PKD1L1: variants seen among roughly 807,000 people sequenced by gnomAD.
PKD1L1 encodes the protein polycystin 1 like 1, transient receptor potential channel interacting.
A neutral mutation model predicts 323.4 loss-of-function variants in PKD1L1; 236 were observed. The ratio of observed to expected loss-of-function variants is 0.73; its 90% CI spans 0.66 to 0.81. PKD1L1 has a LOEUF of 0.81. PKD1L1 is among the 40% of genes least tolerant of loss of function. The pLI is 0.00. For missense variants in PKD1L1, 3,320 were observed against 3,508.0 expected (o/e 0.95, Z 1.35); for synonymous variants, 1,344 against 1,335.0 (o/e 1.01, Z -0.15).
rs554657704 is a variant in PKD1L1, at chr7:47,779,974, T to C, written c.8527-4808A>G. ...ATATTTGCACTGGTTTTTAAGTTAA[T>C]ACCATTTTCAACTTATTGTAATTTT... On this transcript the variant is annotated intron_variant, in intron 56 of 56. Transcript: ENST00000289672. 2.0e-5 allele frequency among the ~76,000 whole-genome samples: 3 copies of C among 152,346 alleles called. No individual in the cohort carries two copies. In the East Asian group the frequency reaches 5.8e-4, roughly 29 times the overall value.
At chr7:47,922,884 G>A (rs1787581623) in intron 7 of PKD1L1, among the ~76,000 whole-genome samples, 3 of 152,230 alleles carry the variant, frequency 2.0e-5, no homozygotes, top group Non-Finnish European at 4.4e-5. Flanking sequence ...TGGCGGTTTT[G>A]TCGAATAGAA....
At chr7:47,947,951 G>C (rs1285209370) in intron 1 of PKD1L1, among the ~76,000 whole-genome samples, 1 of 152,084 alleles carries the variant, frequency 6.6e-6, no homozygotes, top group Non-Finnish European at 1.5e-5. Context: ...CTGGGCAACA[G>C]AGAGAGACTC....
chr7:47,882,185 A>G, intron 19 of PKD1L1, 100 bp from the exon 20 acceptor site: 2 of 1,201,100 alleles, frequency 1.7e-6, no homozygotes, highest in Admixed American at 2.3e-5. Flanking sequence ...TATTTGTACT[A>G]TTGCTGGATA....
chr7:47,903,631 A>G (rs1390112407), intron 12 of PKD1L1, among the ~76,000 whole-genome samples: 1 of 152,168 alleles, frequency 6.6e-6, no homozygotes, highest in African/African-American at 2.4e-5. Context: ...GAAGTTTGCA[A>G]TCTTTCCCTG....
rs1430595005 is a variant in PKD1L1 at position 47,787,885 on chromosome 7, AT to A, written c.8526+4741del. Among the ~76,000 whole-genome samples, 7 of 151,978 alleles carry A rather than the reference AT, an allele frequency of 4.6e-5. No individual in the cohort carries two copies. In the South Asian group the frequency reaches 6.3e-4, roughly 14 times the overall value. On this transcript the variant is annotated intron_variant, in intron 56 of 56. Transcript: ENST00000289672. ...TGCCACCACACCTGGCTAATTTTGT[AT>A]TTTTTGTACAGACAAGATCTCATCA...
intron 22 of PKD1L1, among the ~76,000 whole-genome samples, 189 bp from the exon 23 acceptor site, chr7:47,876,406 A>G (rs961331451): frequency 4.0e-5 from 6 of 151,830 alleles, no homozygotes; most frequent in African/African-American, 1.5e-4. Context: ...CTCTCCATTC[A>G]CCAAGCCCAA....
intron 21 of PKD1L1, among the ~76,000 whole-genome samples, chr7:47,880,206 C>G (rs2128746426): frequency 7.2e-6 from 1 of 138,298 alleles, no homozygotes; most frequent in East Asian, 2.0e-4. Flanking sequence ...GACAGATTTG[C>G]AGGAAAGGAA....
At chr7:47,887,863 G>A (rs112622980) in intron 17 of PKD1L1, 127 bp downstream of exon 17, 16,543 of 921,070 alleles carry the variant, frequency 0.018, 793 homozygotes, top group African/African-American at 0.16. Context: ...GAAGCACGAC[G>A]GACCGTTCAC....
intron 7 of PKD1L1, among the ~76,000 whole-genome samples, chr7:47,927,103 A>G (rs765369950): frequency 5.9e-5 from 9 of 152,202 alleles, no homozygotes; most frequent in Non-Finnish European, 1.2e-4. Context: ...GAATTGTTCC[A>G]TAAACTCAGA....
intron 56 of PKD1L1, among the ~76,000 whole-genome samples, chr7:47,789,261 TC>T (rs923331715): frequency 2.6e-5 from 4 of 152,224 alleles, no homozygotes; most frequent in Non-Finnish European, 5.9e-5. Context: ...AAATACTGTT[TC>T]AGATTTCTGT....
chr7:47,875,921 AT>A (rs1420831165), intron 23 of PKD1L1, among the ~76,000 whole-genome samples, 175 bp downstream of exon 23: 1 of 152,234 alleles, frequency 6.6e-6, no homozygotes, highest in Admixed American at 6.5e-5. Flanking sequence ...TAATTTATTG[AT>A]ATTACTAATG....
At position 47,905,346 on chromosome 7, in the gene PKD1L1, G is replaced by A. The variant is rs748027739; in HGVS notation, c.1523-21C>T. The A allele has an allele frequency of 3.5e-5, 56 of 1,611,014 alleles. 1 individual carries two copies. The East Asian group carries it at 1.2e-3, about 33-fold the overall frequency. The stretch of plus-strand genomic sequence containing the variant: ...GACGGCTGTGGCAAAAGAAAGGAAG[G>A]TATGTCTATGTCAACATAGGAGGGC... On this transcript the variant is annotated intron_variant, in intron 10 of 56. Coordinates refer to ENST00000289672, the MANE Select transcript of PKD1L1 (RefSeq NM_138295.5).
At chr7:47,897,610 C>T (rs912181982) in intron 14 of PKD1L1, among the ~76,000 whole-genome samples, 1 of 152,222 alleles carries the variant, frequency 6.6e-6, no homozygotes, top group South Asian at 2.1e-4. Context: ...ACCGTGAGTG[C>T]CTCTTGGATG....
rs113757054 is a variant in PKD1L1, at chr7:47,825,531, C to CAA, written c.6854+1817_6854+1818dup. On this transcript the variant is annotated intron_variant, in intron 45 of 56. Transcript: ENST00000289672. Reference sequence around the variant, plus strand: ...GGGCAACAAGAGCGAAACTCTGTCTCAAAAAAAAAAAAAAAAGAATATTAA... The same window carrying CAA: ...GGGCAACAAGAGCGAAACTCTGTCTCAAAAAAAAAAAAAAAAAAGAATATTAA... Among the ~76,000 whole-genome samples the CAA allele has an allele frequency of 3.9e-4, 36 of 92,524 alleles. 1 individual carries two copies. Among genetic ancestry groups the CAA allele is most frequent in the African/African-American group, 1.1e-3 (28 of 26,180 alleles). 60.7% of individuals were successfully genotyped at this position (92,524 alleles called of 152,430 possible).
chr7:47,815,311 T>C (rs370288597), intron 47 of PKD1L1, 23 bp downstream of exon 47: 2 of 1,611,108 alleles, frequency 1.2e-6, no homozygotes, highest in Non-Finnish European at 1.7e-6. Flanking sequence ...TGATCTCCTA[T>C]GAAGAGGAGA....
intron 45 of PKD1L1, among the ~76,000 whole-genome samples, chr7:47,822,616 A>AC (rs1214133938): frequency 6.6e-6 from 1 of 151,560 alleles, no homozygotes; most frequent in Non-Finnish European, 1.5e-5. Flanking sequence ...AAAAAAAAAA[A>AC]AAACAGCTGT....
chr7:47,936,955 T>G lies in PKD1L1; in HGVS notation c.289A>C (p.Ile97Leu), dbSNP rs774787626. The change falls in exon 4 of 57, where the codon ATT (isoleucine) becomes CTT (leucine). Residue 97 changes from isoleucine to leucine, a missense_variant. Coordinates refer to ENST00000289672, the MANE Select transcript of PKD1L1 (RefSeq NM_138295.5). ...PSSSASRQKN[I>L]WKTTSEAALS... ...GCTGCTTCACTAGTTGTTTTCCAAATGTTCTGTAAGAAAAAATAATAAAAT... is the reference window on the plus strand; with the variant it reads ...GCTGCTTCACTAGTTGTTTTCCAAAGGTTCTGTAAGAAAAAATAATAAAAT... 10 of 1,603,934 alleles carry G rather than the reference T, an allele frequency of 6.2e-6. No homozygotes were observed. The highest frequency in any genetic ancestry group is 8.5e-6 in the Non-Finnish European group (10 of 1,175,636).
At chr7:47,898,340 G>A (rs1265413308) in intron 13 of PKD1L1, 146 bp from the exon 14 acceptor site, 3 of 628,522 alleles carry the variant, frequency 4.8e-6, no homozygotes, top group Admixed American at 6.4e-5. Context: ...CTGGGCTTTA[G>A]ACAACACCAG....
Position 47,825,018 on chromosome 7 carries a change from C to G in PKD1L1, c.6854+2332G>C, listed in dbSNP as rs571025338. ...ATCATTGTGTAGAGACTTCAAATTT[C>G]CCCCATAGTGGCTGTACCATTTTGC... On this transcript the variant is annotated intron_variant, in intron 45 of 56. Coordinates refer to ENST00000289672, the MANE Select transcript of PKD1L1 (RefSeq NM_138295.5). Among the ~76,000 whole-genome samples, 9 of 152,288 alleles carry G rather than the reference C, an allele frequency of 5.9e-5. 1 individual carries two copies. The South Asian group carries it at 1.9e-3, about 32-fold the overall frequency.
Sources: allele counts gnomAD v4.1 joint callset (sites outside exome capture counted in the v4.1 genomes callset), GRCh38; gene constraint gnomAD v4.1.1; transcripts MANE v1.5; gene names NCBI Gene and HGNC (gene_info 2026-07-23, HGNC 2026-07-21).